The following UAP1 variants were observed in gnomAD, a reference collection of about 807,000 sequenced individuals.
The protein encoded by UAP1 is UDP-N-acetylglucosamine pyrophosphorylase 1.
Under a neutral mutation model 58.5 loss-of-function variants are expected in UAP1, and 25 were observed. That is an observed-to-expected ratio of 0.43 (90% CI 0.31 to 0.60). The LOEUF (loss-of-function observed/expected upper bound fraction) is 0.60. Among genes scored for constraint, UAP1 ranks in the 20% least tolerant of loss-of-function variants. The probability of loss-of-function intolerance (pLI) is 0.11; values close to 1 mark genes in which losing one functional copy is unlikely to be tolerated. For missense variants in UAP1, 575 were observed against 630.0 expected (o/e 0.91, Z 0.93); for synonymous variants, 208 against 213.0 (o/e 0.98, Z 0.21).
chr1:162,566,225 A>C (rs750833147), exon 2 of UAP1: 1 of 1,614,172 alleles, frequency 6.2e-7, no homozygotes. Flanking sequence ...CCAAAAGGCC[A>C]TTGAAGGTTT....
rs574957040 is a variant in UAP1 at position 162,561,614 on chromosome 1, G to C, written c.-221G>C. On this transcript the variant is annotated 5_prime_UTR_variant, in exon 1 of 11. Coordinates refer to ENST00000271469, the Ensembl canonical transcript of UAP1. ...GCAGCCACTAGTCGTGGCGAGAGGG[G>C]CGGGGTGGCCGGGGCTGGCGCTCCA... 1.6e-3 allele frequency: 237 copies of C among 152,192 alleles called. 1 individual carries two copies. Among genetic ancestry groups the C allele is most frequent in the Middle Eastern group, 3.4e-3 (1 of 292 alleles). 9.4% of individuals were successfully genotyped at this position (152,192 alleles called of 1,614,324 possible). A position where few individuals can be genotyped will look rare whatever the true frequency, so the allele number is the denominator to read the frequency against.
intron 8 of UAP1, 137 bp from the exon 9 acceptor site, chr1:162,592,595 C>T: frequency 4.7e-6 from 3 of 642,602 alleles, no homozygotes; most frequent in African/African-American, 1.8e-5. Flanking sequence ...TTTTTTTACC[C>T]CCTTTTGGTC....
chr1:162,598,918 A>C (rs1219247333), intron 10 of UAP1, among the ~76,000 whole-genome samples: 1 of 152,018 alleles, frequency 6.6e-6, no homozygotes, highest in African/African-American at 2.4e-5. Flanking sequence ...TAGGAGGCTG[A>C]GGCACGAGAA....
chr1:162,592,850 C>A, intron 9 of UAP1, 68 bp downstream of exon 9: 2 of 1,387,256 alleles, frequency 1.4e-6, no homozygotes, highest in Non-Finnish European at 2.0e-6. Context: ...TAACTGGCAT[C>A]GTAGTTTAGT....
Position 162,599,213 on chromosome 1 carries a change from A to G in UAP1, c.1477-58A>G, listed in dbSNP as rs1047546205. 7.0e-6 allele frequency: 8 copies of G among 1,135,888 alleles called. No individual in the cohort carries two copies. The African/African-American group carries it at 1.1e-4, about 15-fold the overall frequency. The allele number at this position is 1,135,888 out of a possible 1,614,324, so 70.4% of individuals were successfully genotyped here. A position where few individuals can be genotyped will look rare whatever the true frequency, so the allele number is the denominator to read the frequency against. On this transcript the variant is annotated intron_variant, in intron 10 of 10. Coordinates refer to ENST00000271469, the Ensembl canonical transcript of UAP1. Reference sequence around the variant, plus strand: ...TTTAAATCATCATTATAGCAAGTCCAGCACTGCATGACAAGTGCAAATTTT... The same window carrying G: ...TTTAAATCATCATTATAGCAAGTCCGGCACTGCATGACAAGTGCAAATTTT...
intron 2 of UAP1, among the ~76,000 whole-genome samples, chr1:162,569,317 T>A (rs16863482): frequency 0.011 from 1,639 of 152,304 alleles, 26 homozygotes; most frequent in African/African-American, 0.037. Flanking sequence ...TTGCAAAGTA[T>A]CTGGTGGTTA....
At chr1:162,563,726 A>G (rs1269234605) in intron 1 of UAP1, among the ~76,000 whole-genome samples, 2 of 152,192 alleles carry the variant, frequency 1.3e-5, no homozygotes, top group African/African-American at 4.8e-5. Context: ...GGAGTATCTA[A>G]TGATCTTTTA....
exon 5 of UAP1, chr1:162,581,326 A>T: frequency 6.2e-7 from 1 of 1,613,866 alleles, no homozygotes; most frequent in Non-Finnish European, 8.5e-7. Context: ...GCAGCCCAGA[A>T]TATTGTGGAG....
At chr1:162,565,917 C>T (rs1354908329) in intron 1 of UAP1, 95 bp from the exon 2 acceptor site, 18 of 762,938 alleles carry the variant, frequency 2.4e-5, no homozygotes, top group Non-Finnish European at 3.7e-5. Flanking sequence ...ATTTTTTTAA[C>T]ATCGTTTTGA....
intron 8 of UAP1, among the ~76,000 whole-genome samples, chr1:162,590,991 T>G (rs907215662): frequency 1.3e-5 from 2 of 151,210 alleles, no homozygotes; most frequent in African/African-American, 4.9e-5. Flanking sequence ...TGGCACAGTC[T>G]CAGCTCACTG....
chr1:162,590,594 A>G, intron 8 of UAP1, 83 bp downstream of exon 8: 2 of 1,175,266 alleles, frequency 1.7e-6, no homozygotes, highest in Middle Eastern at 4.1e-4. Context: ...CTCTCTCTGT[A>G]TTCCTAGATC....
intron 2 of UAP1, among the ~76,000 whole-genome samples, chr1:162,571,865 A>G (rs1653886640): frequency 6.6e-6 from 1 of 152,330 alleles, no homozygotes; most frequent in South Asian, 2.1e-4. Flanking sequence ...CAGCCAGTGT[A>G]CACACAATTT....
chr1:162,567,831 T>TA (rs2101735044), intron 2 of UAP1, among the ~76,000 whole-genome samples: 1 of 152,262 alleles, frequency 6.6e-6, no homozygotes, highest in South Asian at 2.1e-4. Flanking sequence ...CAGCCTCGCT[T>TA]TGTTGCCCAG....
At chr1:162,579,542 C>T (rs773224160) in exon 4 of UAP1, 14 of 1,609,174 alleles carry the variant, frequency 8.7e-6, no homozygotes, top group Middle Eastern at 3.3e-4. Context: ...GAATGCTCCC[C>T]GCCATGAGTT....
chr1:162,575,955 T>A (rs1654155663), intron 2 of UAP1, among the ~76,000 whole-genome samples: 1 of 152,182 alleles, frequency 6.6e-6, no homozygotes, highest in East Asian at 1.9e-4. Context: ...AGTGCTGGAG[T>A]GAGCCACTGT....
chr1:162,569,838 A>G (rs1653738588), intron 2 of UAP1, among the ~76,000 whole-genome samples: 1 of 152,148 alleles, frequency 6.6e-6, no homozygotes, highest in Non-Finnish European at 1.5e-5. Flanking sequence ...TGATGTTTTT[A>G]ATAGATTTGT....
At chr1:162,576,875 G>A in exon 3 of UAP1, 3 of 1,614,156 alleles carry the variant, frequency 1.9e-6, no homozygotes, top group Non-Finnish European at 1.7e-6. Context: ...GATGTATGAT[G>A]TTGGTTTGCC....
chr1:162,587,559 A>G lies in UAP1; in HGVS notation c.919A>G (p.Ile307Val), dbSNP rs1483464282. Residue 307 changes from isoleucine to valine, a missense_variant, in exon 6 of 11, where the codon ATT becomes GTT. Coordinates refer to ENST00000271469, the Ensembl canonical transcript of UAP1. ...TTACCAGGTGGTAGAATATAGTGAG[A>G]TTTCCCTGGCAACAGCTCAAAAACG... 5.6e-6 allele frequency: 9 copies of G among 1,613,986 alleles called. No individual in the cohort carries two copies. In the Admixed American group the frequency reaches 1.5e-4, roughly 27 times the overall value.
At chr1:162,579,320 T>C in intron 3 of UAP1, 108 bp from the exon 4 acceptor site, 1 of 788,200 alleles carries the variant, frequency 1.3e-6, no homozygotes, top group Non-Finnish European at 1.8e-6. Context: ...GTCAAAATAA[T>C]AAGCAAGTGC....
Sources: gnomAD v4.1 joint callset for allele counts (sites outside exome capture counted in the v4.1 genomes callset) on GRCh38, gnomAD v4.1.1 for gene constraint, MANE v1.5 for transcripts, NCBI Gene and HGNC (gene_info 2026-07-23, HGNC 2026-07-21) for gene names.